CAMK2B: variants seen among roughly 807,000 people sequenced by gnomAD.
CAMK2B encodes calcium/calmodulin dependent protein kinase II beta.
A neutral mutation model predicts 93.7 loss-of-function variants in CAMK2B; 27 were observed. The ratio of observed to expected loss-of-function variants is 0.29; its 90% CI spans 0.21 to 0.40. CAMK2B has a LOEUF of 0.40. CAMK2B is among the 10% of genes least tolerant of loss of function. The probability of loss-of-function intolerance (pLI) is 1.00; values close to 1 mark genes in which losing one functional copy is unlikely to be tolerated. For synonymous variants in CAMK2B, 374 were observed against 358.8 expected (o/e 1.04, Z -0.48); for missense variants, 568 against 895.8 (o/e 0.63, Z 4.67).
chr7:44,274,872 G>T (rs1037496300), intron 2 of CAMK2B, among the ~76,000 whole-genome samples: 3 of 151,898 alleles, frequency 2.0e-5, no homozygotes, highest in African/African-American at 4.9e-5. Flanking sequence ...AACCGGCAGA[G>T]CCTGGAAGTA....
chr7:44,306,049 AG>A (rs1429279436), intron 1 of CAMK2B, among the ~76,000 whole-genome samples: 3 of 152,050 alleles, frequency 2.0e-5, no homozygotes, highest in East Asian at 3.9e-4. Flanking sequence ...ACCCAGAGGG[AG>A]GGGGGTTGAG....
intron 5 of CAMK2B, among the ~76,000 whole-genome samples, chr7:44,252,710 T>C (rs2129005752): frequency 6.6e-6 from 1 of 152,122 alleles, no homozygotes; most frequent in Non-Finnish European, 1.5e-5. Context: ...CCCCAGCAGG[T>C]GTCTGGATGG....
chr7:44,253,301 C>T (rs544372877), intron 5 of CAMK2B, among the ~76,000 whole-genome samples: 4 of 149,914 alleles, frequency 2.7e-5, no homozygotes, highest in African/African-American at 9.8e-5. Flanking sequence ...GCAAACTCCG[C>T]CTCCTGGGTT....
intron 19 of CAMK2B, among the ~76,000 whole-genome samples, chr7:44,228,492 G>C (rs1488578081): frequency 1.3e-5 from 2 of 152,118 alleles, no homozygotes; most frequent in African/African-American, 4.8e-5. Flanking sequence ...GGGCCTCGGA[G>C]GGGCCAGGGC....
At chr7:44,266,075 T>A (rs964372499) in intron 2 of CAMK2B, among the ~76,000 whole-genome samples, 2 of 152,226 alleles carry the variant, frequency 1.3e-5, no homozygotes, top group African/African-American at 4.8e-5. Context: ...ATTTTGATCC[T>A]GTCTCCAGTG....
intron 1 of CAMK2B, 38 bp downstream of exon 1, chr7:44,325,319 G>A: frequency 8.5e-7 from 1 of 1,177,372 alleles, no homozygotes. Context: ...CGGCCCTCTG[G>A]GGTCCCCGGC....
intron 2 of CAMK2B, among the ~76,000 whole-genome samples, chr7:44,283,915 C>T (rs1393792039): frequency 6.6e-6 from 1 of 152,226 alleles, no homozygotes; most frequent in Non-Finnish European, 1.5e-5. Context: ...CCCCACCAGG[C>T]CAGAGGTGCC....
At chr7:44,266,615 G>T (rs1416040393) in intron 2 of CAMK2B, among the ~76,000 whole-genome samples, 1 of 152,230 alleles carries the variant, frequency 6.6e-6, no homozygotes, top group Admixed American at 6.5e-5. Context: ...GACCAGAGCA[G>T]TGGCCACTGA....
intron 3 of CAMK2B, among the ~76,000 whole-genome samples, chr7:44,262,344 C>T (rs1170245677): frequency 1.3e-5 from 2 of 152,226 alleles, no homozygotes; most frequent in Non-Finnish European, 2.9e-5. Context: ...CTGGCTGCTC[C>T]CCGACAAAGG....
intron 6 of CAMK2B, among the ~76,000 whole-genome samples, chr7:44,246,495 A>G (rs1410806702): frequency 6.6e-6 from 1 of 151,988 alleles, no homozygotes; most frequent in Non-Finnish European, 1.5e-5. Context: ...ACACATTCAC[A>G]TATGCATGCG....
chr7:44,309,908 C>T (rs1263726362), intron 1 of CAMK2B, among the ~76,000 whole-genome samples: 1 of 152,252 alleles, frequency 6.6e-6, no homozygotes, highest in Non-Finnish European at 1.5e-5. Flanking sequence ...GGAGCGGCGG[C>T]CCGCGGGTAG....
At chr7:44,244,720 T>C (rs1445133738) in intron 6 of CAMK2B, among the ~76,000 whole-genome samples, 1 of 151,640 alleles carries the variant, frequency 6.6e-6, no homozygotes, top group Non-Finnish European at 1.5e-5. Flanking sequence ...TGACATATGC[T>C]ATCCCCATGT....
At chr7:44,234,083 G>T (rs916922359) in intron 15 of CAMK2B, among the ~76,000 whole-genome samples, 3 of 152,180 alleles carry the variant, frequency 2.0e-5, no homozygotes, top group Non-Finnish European at 4.4e-5. Flanking sequence ...AACACTCCTG[G>T]AGAGACATCC....
intron 1 of CAMK2B, among the ~76,000 whole-genome samples, chr7:44,303,015 A>C (rs58872871): frequency 0.025 from 3,832 of 152,310 alleles, 160 homozygotes; most frequent in African/African-American, 0.088. Context: ...CCAAAGAATC[A>C]ACAAAAAAAT....
chr7:44,239,908 G>C (rs1365494769), intron 12 of CAMK2B, among the ~76,000 whole-genome samples: 2 of 152,192 alleles, frequency 1.3e-5, no homozygotes, highest in African/African-American at 4.8e-5. Context: ...CATGCCCAAA[G>C]GGTGTGGTGA....
chr7:44,229,321 T>C (rs1297553058), intron 18 of CAMK2B, 67 bp downstream of exon 18: 2 of 1,048,910 alleles, frequency 1.9e-6, no homozygotes, highest in African/African-American at 3.3e-5. Context: ...GGCTCTGGAG[T>C]GGCCCCTCTA....
intron 1 of CAMK2B, among the ~76,000 whole-genome samples, chr7:44,302,248 T>C (rs1339491336): frequency 6.6e-6 from 1 of 152,146 alleles, no homozygotes; most frequent in Non-Finnish European, 1.5e-5. Flanking sequence ...CTAAAAGAAA[T>C]TGAATGAATA....
intron 5 of CAMK2B, 142 bp from the exon 6 acceptor site, chr7:44,247,334 G>A (rs1390656725): frequency 1.4e-6 from 1 of 713,410 alleles, no homozygotes; most frequent in Non-Finnish European, 2.5e-6. Context: ...ATGCTGGCCA[G>A]GAGGGGCCTC....
Position 44,234,480 on chromosome 7 carries a change from G to A in CAMK2B, c.1060-19C>T. ...TCTGGGGCTGTGGAGAGAGGGAAGA[G>A]GAACTCTTAGGTGGGAGAAGCCCCT... On this transcript the variant is annotated intron_variant, in intron 14 of 23. Transcript: ENST00000395749. 6.4e-7 allele frequency: 1 copy of A among 1,573,142 alleles called. No homozygotes were observed. The highest frequency in any genetic ancestry group is 8.6e-7 in the Non-Finnish European group (1 of 1,160,926).
Sources: allele counts gnomAD v4.1 joint callset (sites outside exome capture counted in the v4.1 genomes callset), GRCh38; gene constraint gnomAD v4.1.1; transcripts MANE v1.5; gene names NCBI Gene and HGNC (gene_info 2026-07-23, HGNC 2026-07-21).